Variants in PIK3AP1 observed in about 807,000 individuals in gnomAD.
The protein encoded by PIK3AP1 is phosphoinositide 3-kinase adapter protein 1.
PIK3AP1 carries 21 observed loss-of-function variants against 88.1 expected under a neutral mutation model. That is an observed-to-expected ratio of 0.24 (90% CI 0.17 to 0.34). The LOEUF (loss-of-function observed/expected upper bound fraction) is 0.34. Among genes scored for constraint, PIK3AP1 ranks in the 10% least tolerant of loss-of-function variants. The pLI is 1.00. For missense variants in PIK3AP1, 828 were observed against 1,035.7 expected (o/e 0.80, Z 2.75); for synonymous variants, 398 against 400.0 (o/e 1.00, Z 0.06).
chr10:96,670,561 T>A (rs181414395), intron 2 of PIK3AP1, among the ~76,000 whole-genome samples: 190 of 152,186 alleles, frequency 1.2e-3, no homozygotes, highest in Middle Eastern at 3.4e-3. Context: ...GCGCAAATGA[T>A]GTGTCTGGGC....
intron 8 of PIK3AP1, among the ~76,000 whole-genome samples, chr10:96,642,826 A>G (rs1843409790): frequency 6.6e-6 from 1 of 152,244 alleles, no homozygotes; most frequent in Admixed American, 6.5e-5. Flanking sequence ...TGGTGGGAGC[A>G]TGGCATGTGT....
chr10:96,690,681 C>T (rs1253964965), intron 2 of PIK3AP1, among the ~76,000 whole-genome samples: 1 of 152,176 alleles, frequency 6.6e-6, no homozygotes, highest in Non-Finnish European at 1.5e-5. Flanking sequence ...AAAATCTTGA[C>T]CCCTCCACAT....
intron 4 of PIK3AP1, among the ~76,000 whole-genome samples, chr10:96,652,124 A>G (rs1317226045): frequency 3.3e-5 from 5 of 152,150 alleles, no homozygotes; most frequent in African/African-American, 1.2e-4. Flanking sequence ...ATGCTATACC[A>G]CAGGAAGGGG....
intron 2 of PIK3AP1, among the ~76,000 whole-genome samples, chr10:96,708,561 C>T (rs1158718102): frequency 7.2e-5 from 8 of 111,436 alleles, no homozygotes; most frequent in East Asian, 2.8e-4. Flanking sequence ...GACGTCAGAG[C>T]GAGGATCTGT....
intron 2 of PIK3AP1, among the ~76,000 whole-genome samples, chr10:96,706,050 C>T (rs1014541001): frequency 1.3e-5 from 2 of 151,708 alleles, no homozygotes; most frequent in Non-Finnish European, 1.5e-5. Flanking sequence ...CCCGCCACCT[C>T]GCCCGACTAA....
chr10:96,700,928 G>A, intron 2 of PIK3AP1: 1 of 955,152 alleles, frequency 1.0e-6, no homozygotes, highest in Non-Finnish European at 1.2e-6. Flanking sequence ...GAGCCCCTTG[G>A]GACTACTGTG....
At chr10:96,620,979 G>C in intron 11 of PIK3AP1, 1 of 178,860 alleles carries the variant, frequency 5.6e-6, no homozygotes, top group East Asian at 1.5e-4. Flanking sequence ...GGTGAATACA[G>C]TCTCTTTCCA....
intron 2 of PIK3AP1, among the ~76,000 whole-genome samples, chr10:96,680,729 GTCTAC>G (rs1843988621): frequency 2.0e-5 from 3 of 152,158 alleles, no homozygotes; most frequent in African/African-American, 7.2e-5. Context: ...TTTAGGTTGA[GTCTAC>G]GTCTTTGGTA....
intron 15 of PIK3AP1, among the ~76,000 whole-genome samples, chr10:96,603,498 G>T (rs1848939847): frequency 6.6e-6 from 1 of 152,198 alleles, no homozygotes; most frequent in Non-Finnish European, 1.5e-5. Flanking sequence ...GTGAAAAGCA[G>T]AGACTGGCTT....
At chr10:96,646,657 TCAGGAACCCTGACAGTTTCCAGG>T (rs1843464505) in intron 7 of PIK3AP1, among the ~76,000 whole-genome samples, 1 of 152,106 alleles carries the variant, frequency 6.6e-6, no homozygotes, top group Admixed American at 6.5e-5. Flanking sequence ...CTCCAAACTG[TCAGGAACCCTGACAGTTTCCAGG>T]GGTTCCAGCC....
intron 11 of PIK3AP1, among the ~76,000 whole-genome samples, chr10:96,623,248 A>G (rs1843111243): frequency 6.6e-6 from 1 of 152,102 alleles, no homozygotes; most frequent in Non-Finnish European, 1.5e-5. Flanking sequence ...TTAATTTTAG[A>G]GACAGGGTCT....
intron 2 of PIK3AP1, among the ~76,000 whole-genome samples, chr10:96,695,422 A>G (rs991955716): frequency 3.9e-5 from 6 of 152,224 alleles, no homozygotes; most frequent in African/African-American, 1.4e-4. Context: ...TGTAAAAAGA[A>G]ACTTATTTTA....
At chr10:96,648,572 A>C in intron 7 of PIK3AP1, 87 bp downstream of exon 7, 1 of 1,378,836 alleles carries the variant, frequency 7.3e-7, no homozygotes, top group Non-Finnish European at 9.8e-7. Context: ...TGCTAGAGAT[A>C]AAATCTGTTC....
chr10:96,611,262 T>G (rs1219543811), intron 13 of PIK3AP1, among the ~76,000 whole-genome samples: 1 of 152,132 alleles, frequency 6.6e-6, no homozygotes, highest in Non-Finnish European at 1.5e-5. Context: ...CCAACCAGCT[T>G]CCTAGGGTTT....
intron 16 of PIK3AP1, among the ~76,000 whole-genome samples, chr10:96,598,716 G>A (rs1430042791): frequency 2.0e-5 from 3 of 152,184 alleles, no homozygotes; most frequent in African/African-American, 7.2e-5. Context: ...GGGAACATTA[G>A]GGAGGGCTTC....
intron 3 of PIK3AP1, among the ~76,000 whole-genome samples, chr10:96,654,252 C>G (rs1170768674): frequency 6.6e-6 from 1 of 151,894 alleles, no homozygotes; most frequent in Admixed American, 6.6e-5. Flanking sequence ...CTCTGCTGTG[C>G]TGGTTACGTG....
At chr10:96,667,415 A>G (rs756240708) in intron 2 of PIK3AP1, among the ~76,000 whole-genome samples, 2 of 152,256 alleles carry the variant, frequency 1.3e-5, no homozygotes, top group Non-Finnish European at 2.9e-5. Flanking sequence ...CCATTTCTTG[A>G]GCGGTTACAA....
intron 2 of PIK3AP1, among the ~76,000 whole-genome samples, chr10:96,681,244 C>A (rs1175708529): frequency 6.6e-6 from 1 of 152,198 alleles, no homozygotes; most frequent in African/African-American, 2.4e-5. Flanking sequence ...GATAAGGGCC[C>A]ATCTATATGA....
intron 2 of PIK3AP1, among the ~76,000 whole-genome samples, chr10:96,682,387 T>C (rs1257300711): frequency 6.6e-6 from 1 of 152,172 alleles, no homozygotes; most frequent in Non-Finnish European, 1.5e-5. Context: ...ATCTGTTGTT[T>C]GAAGCTCCTT....
Sources: gnomAD v4.1 joint callset for allele counts (sites outside exome capture counted in the v4.1 genomes callset) on GRCh38, gnomAD v4.1.1 for gene constraint, MANE v1.5 for transcripts, NCBI Gene and HGNC (gene_info 2026-07-23, HGNC 2026-07-21) for gene names.